ACSS2: variants seen among roughly 807,000 people sequenced by gnomAD.
The protein encoded by ACSS2 is acyl-CoA synthetase short chain family member 2.
A neutral mutation model predicts 90.6 loss-of-function variants in ACSS2; 58 were observed. The observed-to-expected ratio is 0.64, with a 90% CI of 0.52 to 0.80. The LOEUF (loss-of-function observed/expected upper bound fraction) is 0.80. Among genes scored for constraint, ACSS2 ranks in the 30% least tolerant of loss-of-function variants. The pLI is 0.00. For missense variants in ACSS2, 759 were observed against 912.0 expected (o/e 0.83, Z 2.16); for synonymous variants, 300 against 330.9 (o/e 0.91, Z 1.01).
chr20:34,907,444 G>T (rs2080836504), intron 2 of ACSS2, among the ~76,000 whole-genome samples: 1 of 152,196 alleles, frequency 6.6e-6, no homozygotes, highest in African/African-American at 2.4e-5. Context: ...TTCTGAAGGG[G>T]CACACTGTGC....
At chr20:34,898,650 G>A (rs1209229199) in intron 2 of ACSS2, among the ~76,000 whole-genome samples, 1 of 152,138 alleles carries the variant, frequency 6.6e-6, no homozygotes, top group African/African-American at 2.4e-5. Context: ...GAGCTAGACA[G>A]AGGGTGCAGA....
At chr20:34,886,898 A>G (rs1484855646) in intron 2 of ACSS2, among the ~76,000 whole-genome samples, 2 of 152,238 alleles carry the variant, frequency 1.3e-5, no homozygotes, top group African/African-American at 2.4e-5. Context: ...TTAGACAGCT[A>G]TGGTGGCATT....
chr20:34,875,109 A>C (rs769386588), upstream of ACSS2: 1 of 534,678 alleles, frequency 1.9e-6, no homozygotes, highest in Non-Finnish European at 3.8e-6. Flanking sequence ...AATGATGGTG[A>C]GGTGGGCACT....
chr20:34,914,505 T>C (rs771449379), intron 7 of ACSS2, 68 bp downstream of exon 7: 31 of 1,378,926 alleles, frequency 2.2e-5, no homozygotes, highest in Admixed American at 9.1e-5. Context: ...TAGAAAATTC[T>C]TGATGTCCTT....
chr20:34,884,028 C>T (rs2080130683), intron 2 of ACSS2, among the ~76,000 whole-genome samples: 1 of 152,192 alleles, frequency 6.6e-6, no homozygotes, highest in Non-Finnish European at 1.5e-5. Flanking sequence ...GCAACCTCTG[C>T]CCTGCCTCCC....
chr20:34,925,135 C>T (rs2081289214), intron 14 of ACSS2, among the ~76,000 whole-genome samples: 1 of 152,138 alleles, frequency 6.6e-6, no homozygotes, highest in African/African-American at 2.4e-5. Flanking sequence ...CTTAAAATAA[C>T]AAATATTATC....
chr20:34,913,062 C>G, intron 2 of ACSS2, 34 bp from the exon 3 acceptor site: 1 of 1,519,024 alleles, frequency 6.6e-7, no homozygotes, highest in Non-Finnish European at 9.1e-7. Context: ...AGAAGTTATA[C>G]CCCTAATCAC....
intron 2 of ACSS2, among the ~76,000 whole-genome samples, chr20:34,887,134 C>A (rs1212489473): frequency 6.6e-6 from 1 of 152,148 alleles, no homozygotes; most frequent in Non-Finnish European, 1.5e-5. Context: ...CCATCTAGGC[C>A]AACTCTCTTC....
At chr20:34,919,770 G>GA (rs1300001297) in intron 8 of ACSS2, among the ~76,000 whole-genome samples, 198 bp downstream of exon 8, 1 of 152,128 alleles carries the variant, frequency 6.6e-6, no homozygotes, top group Non-Finnish European at 1.5e-5. Context: ...GGCCCAGGGT[G>GA]AGACAGTTCA....
chr20:34,898,102 G>GCAGA lies in ACSS2; in HGVS notation c.375-14992_375-14989dup, dbSNP rs568019309. Among the ~76,000 whole-genome samples, 68 of 152,268 alleles carry GCAGA rather than the reference G, an allele frequency of 4.5e-4. 1 individual carries two copies. The South Asian group carries it at 8.9e-3, about 20-fold the overall frequency. On this transcript the variant is annotated intron_variant, in intron 2 of 17. Coordinates refer to ENST00000360596, the MANE Select transcript of ACSS2 (RefSeq NM_018677.4). ...GTCTCGCTGGCTCAGGAGTGAACCT[G>GCAGA]CAGACCTTCACAGTGAGTGTTACAG...
At chr20:34,914,567 C>A in intron 7 of ACSS2, 130 bp downstream of exon 7, 1 of 797,604 alleles carries the variant, frequency 1.3e-6, no homozygotes, top group Non-Finnish European at 1.9e-6. Flanking sequence ...CTAGGAATGC[C>A]TCCTCTAGCA....
At chr20:34,926,046 A>G in intron 15 of ACSS2, 59 bp from the exon 16 acceptor site, 1 of 1,565,376 alleles carries the variant, frequency 6.4e-7, no homozygotes, top group African/African-American at 1.4e-5. Flanking sequence ...GTACAGATGG[A>G]GCATGGGCTG....
At chr20:34,912,044 C>T (rs1474366384) in intron 2 of ACSS2, among the ~76,000 whole-genome samples, 1 of 152,008 alleles carries the variant, frequency 6.6e-6, no homozygotes, top group Non-Finnish European at 1.5e-5. Context: ...TCTCAAACTC[C>T]TGACTTCAGG....
At chr20:34,917,815 C>T (rs940473436) in intron 7 of ACSS2, among the ~76,000 whole-genome samples, 2 of 151,818 alleles carry the variant, frequency 1.3e-5, no homozygotes, top group East Asian at 1.9e-4. Context: ...TACAGTGGTA[C>T]GATCTCGGCT....
At chr20:34,913,348 C>A (rs1158485977) in intron 3 of ACSS2, 45 bp from the exon 4 acceptor site, 2 of 1,593,510 alleles carry the variant, frequency 1.3e-6, no homozygotes, top group Non-Finnish European at 8.6e-7. Flanking sequence ...GAGCAAGTAG[C>A]AGCAAGAAGG....
intron 14 of ACSS2, among the ~76,000 whole-genome samples, chr20:34,924,707 G>T (rs113414816): frequency 3.4e-5 from 5 of 149,218 alleles, no homozygotes; most frequent in African/African-American, 1.2e-4. Context: ...GTTGTTGTTT[G>T]TTTTTTTTTT....
intron 1 of ACSS2, among the ~76,000 whole-genome samples, chr20:34,879,725 C>A (rs2080025613): frequency 6.6e-6 from 1 of 152,210 alleles, no homozygotes; most frequent in South Asian, 2.1e-4. Flanking sequence ...CAGCGATACC[C>A]TGTCTCAAAA....
chr20:34,924,089 G>C (rs939783821), intron 14 of ACSS2, among the ~76,000 whole-genome samples: 2 of 152,152 alleles, frequency 1.3e-5, no homozygotes, highest in African/African-American at 4.8e-5. Context: ...GACAATGTAT[G>C]CTCCTGTGTT....
In ACSS2 at chr20:34,913,479, G is replaced by C; in HGVS notation, c.553G>C (p.Ala185Pro). 1.2e-6 allele frequency: 2 copies of C among 1,613,724 alleles called. No individual in the cohort carries two copies. Among genetic ancestry groups the C allele is most frequent in the Non-Finnish European group, 1.7e-6 (2 of 1,179,836 alleles). ...CATGCTGGCATGTGCCCGCATTGGG[G>C]CTTTGCACTCCATTGTGGTAGGAGT... ...VAMLACARIG[A>P]LHSIVFAGFS... The change falls in exon 4 of 18, where the codon GCT becomes CCT. Residue 185 changes from alanine to proline, a missense_variant. By Grantham distance (27) the Ala-to-Pro change is conservative. Transcript: ENST00000360596.
Sources: gnomAD v4.1 joint callset for allele counts (sites outside exome capture counted in the v4.1 genomes callset) on GRCh38, gnomAD v4.1.1 for gene constraint, MANE v1.5 for transcripts, NCBI Gene and HGNC (gene_info 2026-07-23, HGNC 2026-07-21) for gene names.